The following SBF2 variants were observed in gnomAD, a reference collection of about 807,000 sequenced individuals.
SBF2 encodes the protein SET binding factor 2, also known as myotubularin-related protein 13.
A neutral mutation model predicts 225.2 loss-of-function variants in SBF2; 112 were observed. The observed-to-expected ratio is 0.50, with a 90% CI of 0.43 to 0.58. The LOEUF (loss-of-function observed/expected upper bound fraction) is 0.58, where lower values mean the gene tolerates loss of function less well. Ranked by LOEUF, SBF2 falls within the 20% of genes least tolerant of loss-of-function variation. The pLI is 0.00. For missense variants in SBF2, 1,996 were observed against 2,206.2 expected (o/e 0.90, Z 1.91); for synonymous variants, 763 against 773.3 (o/e 0.99, Z 0.22).
intron 1 of SBF2, among the ~76,000 whole-genome samples, chr11:10,198,849 G>A (rs1163032798): frequency 6.6e-6 from 1 of 152,168 alleles, no homozygotes; most frequent in Admixed American, 6.5e-5. Context: ...AACTTCTTTT[G>A]CAACTTTCTC....
chr11:10,282,858 A>C (rs149036358), intron 1 of SBF2, among the ~76,000 whole-genome samples: 1 of 152,046 alleles, frequency 6.6e-6, no homozygotes, highest in East Asian at 1.9e-4. Context: ...GTCAAGGCTA[A>C]ATTCTATAGC....
At chr11:10,131,171 CAT>C (rs1190291764) in intron 2 of SBF2, among the ~76,000 whole-genome samples, 2 of 152,058 alleles carry the variant, frequency 1.3e-5, no homozygotes, top group East Asian at 3.8e-4. Flanking sequence ...ACTGTATTAC[CAT>C]ATCCTTGCCA....
chr11:9,931,047 G>A (rs1363043535), intron 16 of SBF2, among the ~76,000 whole-genome samples: 1 of 152,258 alleles, frequency 6.6e-6, no homozygotes, highest in African/African-American at 2.4e-5. Context: ...AGCCTGGCTG[G>A]GGGAGGGGCA....
At chr11:9,958,459 C>T (rs10743123) in intron 16 of SBF2, 38,295 of 151,848 alleles carry the variant, frequency 0.25, 5,414 homozygotes, top group Admixed American at 0.35. Flanking sequence ...CTGGGGTTCA[C>T]GCCATTCTCC....
At chr11:10,159,723 T>C (rs1955641899) in intron 2 of SBF2, among the ~76,000 whole-genome samples, 2 of 152,218 alleles carry the variant, frequency 1.3e-5, no homozygotes, top group African/African-American at 4.8e-5. Context: ...ACCCCGTCTC[T>C]ACTAAAAATA....
At chr11:10,280,113 G>A (rs1229850129) in intron 1 of SBF2, among the ~76,000 whole-genome samples, 2 of 152,000 alleles carry the variant, frequency 1.3e-5, no homozygotes, top group Non-Finnish European at 1.5e-5. Flanking sequence ...AATCCAAAAT[G>A]CTCTAATGAG....
intron 35 of SBF2, 68 bp downstream of exon 35, chr11:9,789,041 C>T (rs1247894178): frequency 2.3e-6 from 3 of 1,331,932 alleles, no homozygotes; most frequent in Non-Finnish European, 3.2e-6. Flanking sequence ...GTTACTTAGC[C>T]TGGTTCCTTT....
chr11:10,288,634 C>T (rs1387222486), intron 1 of SBF2, among the ~76,000 whole-genome samples: 6 of 152,122 alleles, frequency 3.9e-5, no homozygotes, highest in African/African-American at 1.4e-4. Flanking sequence ...CAGATTGTCC[C>T]ATCATCTCTT....
intron 16 of SBF2, among the ~76,000 whole-genome samples, chr11:9,949,765 C>T (rs1023347770): frequency 2.6e-5 from 4 of 151,820 alleles, no homozygotes; most frequent in Non-Finnish European, 5.9e-5. Context: ...CAGAGTTACT[C>T]GAGATTCACG....
chr11:10,271,732 AG>A (rs1326059680), intron 1 of SBF2, among the ~76,000 whole-genome samples: 1 of 115,296 alleles, frequency 8.7e-6, no homozygotes, highest in East Asian at 2.2e-4. Context: ...ATGATATTCC[AG>A]GTATAGAAAT....
intron 13 of SBF2, among the ~76,000 whole-genome samples, chr11:9,975,514 G>C (rs537555154): frequency 6.6e-6 from 1 of 152,288 alleles, no homozygotes; most frequent in Non-Finnish European, 1.5e-5. Flanking sequence ...AGGAACTTTG[G>C]GGGAGTGATA....
chr11:9,808,784 G>C (rs1348867603), intron 31 of SBF2, 117 bp downstream of exon 31: 7 of 783,512 alleles, frequency 8.9e-6, no homozygotes, highest in Non-Finnish European at 1.5e-5. Flanking sequence ...TTTAACACAG[G>C]ACTTTCTCTG....
At chr11:10,002,730 TTATATGTGTTGTCAACAA>T in intron 6 of SBF2, 41 bp from the exon 7 acceptor site, 3 of 1,587,512 alleles carry the variant, frequency 1.9e-6, no homozygotes, top group Non-Finnish European at 2.6e-6. Flanking sequence ...GCATTTAATT[TTATATGTGTTGTCAACAA>T]TCATAGACAG....
intron 6 of SBF2, among the ~76,000 whole-genome samples, chr11:10,006,545 G>A (rs1948198606): frequency 1.3e-5 from 2 of 152,218 alleles, no homozygotes; most frequent in East Asian, 1.9e-4. Flanking sequence ...GCACCCCTTC[G>A]GGAGGAGGGG....
At chr11:10,067,338 A>C (rs1950663283) in intron 2 of SBF2, among the ~76,000 whole-genome samples, 1 of 152,168 alleles carries the variant, frequency 6.6e-6, no homozygotes, top group African/African-American at 2.4e-5. Flanking sequence ...ATCCCAGTCC[A>C]AGTGTCACCA....
intron 16 of SBF2, among the ~76,000 whole-genome samples, chr11:9,932,641 G>A (rs1231172764): frequency 1.3e-5 from 2 of 151,952 alleles, no homozygotes; most frequent in African/African-American, 4.8e-5. Flanking sequence ...GCATAAACAT[G>A]GAAAGGAACA....
intron 3 of SBF2, among the ~76,000 whole-genome samples, chr11:10,038,075 G>A (rs1426363039): frequency 6.6e-6 from 1 of 151,876 alleles, no homozygotes; most frequent in East Asian, 1.9e-4. Flanking sequence ...ACACAATAGG[G>A]TCTGCTTCTG....
intron 1 of SBF2, among the ~76,000 whole-genome samples, chr11:10,220,589 A>G (rs1298314353): frequency 6.6e-6 from 1 of 152,046 alleles, no homozygotes; most frequent in Non-Finnish European, 1.5e-5. Context: ...CTTACCCTAT[A>G]CATTGCTACC....
At chr11:9,858,681 G>A (rs1426946460) in intron 17 of SBF2, among the ~76,000 whole-genome samples, 1 of 152,102 alleles carries the variant, frequency 6.6e-6, no homozygotes, top group Non-Finnish European at 1.5e-5. Flanking sequence ...AGGAAAAGGA[G>A]GCACTGTAGG....
Sources: gnomAD v4.1 joint callset for allele counts (sites outside exome capture counted in the v4.1 genomes callset) on GRCh38, gnomAD v4.1.1 for gene constraint, MANE v1.5 for transcripts, NCBI Gene and HGNC (gene_info 2026-07-23, HGNC 2026-07-21) for gene names.